GRID1: variants seen among roughly 807,000 people sequenced by gnomAD.
GRID1 encodes the protein glutamate ionotropic receptor delta type subunit 1.
Under a neutral mutation model 98.0 loss-of-function variants are expected in GRID1, and 28 were observed. The ratio of observed to expected loss-of-function variants is 0.29; its 90% CI spans 0.21 to 0.39. GRID1 has a LOEUF of 0.39. GRID1 is among the 10% of genes least tolerant of loss of function. The pLI is 1.00. For missense variants in GRID1, 1,111 were observed against 1,340.5 expected (o/e 0.83, Z 2.67); for synonymous variants, 553 against 538.5 (o/e 1.03, Z -0.37).
At chr10:86,087,269 A>C (rs762153415) in intron 4 of GRID1, among the ~76,000 whole-genome samples, 10 of 151,634 alleles carry the variant, frequency 6.6e-5, no homozygotes, top group South Asian at 4.2e-4. Context: ...GTGTCTGAGC[A>C]TCTATGTGTC....
chr10:85,724,255 G>T, intron 11 of GRID1, 97 bp downstream of exon 11: 3 of 870,164 alleles, frequency 3.4e-6, no homozygotes, highest in South Asian at 1.8e-5. Context: ...AATTGCATTT[G>T]GAATGACTTT....
chr10:85,978,867 G>A (rs562921225), intron 4 of GRID1, among the ~76,000 whole-genome samples: 2 of 152,318 alleles, frequency 1.3e-5, no homozygotes, highest in South Asian at 4.1e-4. Flanking sequence ...CTCCTGGAAC[G>A]CTTACAGTAA....
intron 3 of GRID1, among the ~76,000 whole-genome samples, chr10:86,147,692 TG>T (rs1257107448): frequency 1.3e-5 from 2 of 152,210 alleles, no homozygotes; most frequent in African/African-American, 4.8e-5. Context: ...TTTGATGCTT[TG>T]ACATCTGGGG....
At chr10:86,057,409 A>C (rs903584111) in intron 4 of GRID1, among the ~76,000 whole-genome samples, 1 of 152,168 alleles carries the variant, frequency 6.6e-6, no homozygotes, top group Non-Finnish European at 1.5e-5. Flanking sequence ...ATGGCCAGAC[A>C]TGGCCTGTAT....
chr10:85,752,663 C>T (rs986734535), intron 8 of GRID1, among the ~76,000 whole-genome samples: 11 of 152,050 alleles, frequency 7.2e-5, no homozygotes, highest in African/African-American at 2.7e-4. Flanking sequence ...GAATTTTTAA[C>T]CAATTTCCTG....
chr10:85,733,112 C>T (rs1564573652), intron 8 of GRID1, among the ~76,000 whole-genome samples: 1 of 152,206 alleles, frequency 6.6e-6, no homozygotes, highest in African/African-American at 2.4e-5. Context: ...TAAGACATAA[C>T]ATTAGAATGA....
intron 2 of GRID1, among the ~76,000 whole-genome samples, chr10:86,264,307 TACA>T (rs1298566716): frequency 1.3e-5 from 2 of 152,232 alleles, no homozygotes; most frequent in African/African-American, 2.4e-5. Flanking sequence ...TCTGGTTCTC[TACA>T]ACATTTCCTT....
chr10:86,156,153 A>G (rs11819672), intron 3 of GRID1, among the ~76,000 whole-genome samples: 1 of 152,234 alleles, frequency 6.6e-6, no homozygotes, highest in Non-Finnish European at 1.5e-5. Context: ...GGTGTGAGCA[A>G]GGGGAGAAGA....
chr10:86,248,563 CTTTTTTTTTT>C (rs200060771), intron 2 of GRID1, among the ~76,000 whole-genome samples: 6 of 121,838 alleles, frequency 4.9e-5, no homozygotes, highest in African/African-American at 1.6e-4. Context: ...CATGACAATT[CTTTTTTTTTT>C]TTTTTTTTTT....
intron 2 of GRID1, among the ~76,000 whole-genome samples, chr10:86,230,817 T>A (rs1846439656): frequency 1.3e-5 from 2 of 152,118 alleles, no homozygotes; most frequent in South Asian, 4.1e-4. Flanking sequence ...TGTGAGCGCC[T>A]CCAAGCAGGA....
At chr10:86,196,918 C>G (rs561764389) in intron 3 of GRID1, among the ~76,000 whole-genome samples, 1 of 151,796 alleles carries the variant, frequency 6.6e-6, no homozygotes, top group Non-Finnish European at 1.5e-5. Context: ...GCTTCTGGGC[C>G]AATAAATGGG....
intron 2 of GRID1, among the ~76,000 whole-genome samples, chr10:86,244,457 T>A (rs1483650234): frequency 6.6e-6 from 1 of 152,216 alleles, no homozygotes; most frequent in East Asian, 1.9e-4. Context: ...CTATTACAGA[T>A]TAAATCGGGG....
At chr10:86,210,052 G>C (rs1184732081) in intron 2 of GRID1, among the ~76,000 whole-genome samples, 1 of 152,168 alleles carries the variant, frequency 6.6e-6, no homozygotes, top group Non-Finnish European at 1.5e-5. Context: ...TCTTTGAGGA[G>C]CTTAGGATCC....
chr10:86,213,530 G>C (rs1846134078), intron 2 of GRID1, among the ~76,000 whole-genome samples: 1 of 152,056 alleles, frequency 6.6e-6, no homozygotes, highest in African/African-American at 2.4e-5. Context: ...CAAGAGAAAA[G>C]TTTCTCCTAA....
intron 12 of GRID1, among the ~76,000 whole-genome samples, chr10:85,649,523 T>C (rs1843238968): frequency 1.3e-5 from 2 of 152,094 alleles, no homozygotes; most frequent in South Asian, 4.1e-4. Context: ...TTTTTTCTCA[T>C]GGTAATACAA....
chr10:85,859,936 C>G (rs1843149390), intron 6 of GRID1, among the ~76,000 whole-genome samples: 1 of 152,142 alleles, frequency 6.6e-6, no homozygotes, highest in African/African-American at 2.4e-5. Context: ...GCTTGGGGCC[C>G]TCTCCAGAGC....
chr10:86,286,690 G>A (rs369443829), intron 2 of GRID1, among the ~76,000 whole-genome samples: 9 of 152,350 alleles, frequency 5.9e-5, no homozygotes, highest in African/African-American at 2.2e-4. Context: ...CCATGTGACC[G>A]TGAGGGAGTT....
intron 4 of GRID1, among the ~76,000 whole-genome samples, chr10:85,938,185 C>T (rs1416993448): frequency 2.0e-5 from 3 of 152,188 alleles, no homozygotes; most frequent in Non-Finnish European, 2.9e-5. Flanking sequence ...ATCCAACTCT[C>T]TAGGGCAAGT....
chr10:86,005,527 C>T (rs1332961157), intron 4 of GRID1, among the ~76,000 whole-genome samples: 1 of 152,050 alleles, frequency 6.6e-6, no homozygotes, highest in Non-Finnish European at 1.5e-5. Flanking sequence ...GCACAGGATA[C>T]CTGAACTACC....
Sources: allele counts gnomAD v4.1 joint callset (sites outside exome capture counted in the v4.1 genomes callset), GRCh38; gene constraint gnomAD v4.1.1; transcripts MANE v1.5; gene names NCBI Gene and HGNC (gene_info 2026-07-23, HGNC 2026-07-21).